The following SKAP1 variants were observed in gnomAD, a reference collection of about 807,000 sequenced individuals.
SKAP1 encodes src kinase-associated phosphoprotein 1.
Under a neutral mutation model 58.5 loss-of-function variants are expected in SKAP1, and 44 were observed. The observed-to-expected ratio is 0.75, with a 90% CI of 0.59 to 0.97. The LOEUF (loss-of-function observed/expected upper bound fraction) is 0.97. SKAP1 is among the 50% of genes least tolerant of loss of function. SKAP1 has a pLI of 0.00. For synonymous variants in SKAP1, 127 were observed against 149.7 expected, an observed-to-expected ratio of 0.85 and a Z score of 1.11; for missense variants, 390 against 435.2, an observed-to-expected ratio of 0.90 and a Z score of 0.92.
At chr17:48,374,992 G>C (rs944084720) in intron 2 of SKAP1, among the ~76,000 whole-genome samples, 4 of 152,288 alleles carry the variant, frequency 2.6e-5, no homozygotes, top group East Asian at 3.9e-4. Flanking sequence ...AAAAGTACAA[G>C]ACCTAATGCC....
intron 7 of SKAP1, 120 bp downstream of exon 7, chr17:48,184,603 G>T: frequency 7.9e-7 from 1 of 1,264,194 alleles, no homozygotes; most frequent in South Asian, 1.2e-5. Flanking sequence ...GTCTTCGTTG[G>T]CATGAAATGA....
At chr17:48,308,790 G>T (rs554897408) in intron 4 of SKAP1, 1 of 152,210 alleles carries the variant, frequency 6.6e-6, no homozygotes, top group African/African-American at 2.4e-5. Context: ...TAGGAACTAT[G>T]CCTCATGGGA....
At chr17:48,264,492 C>T (rs143450190) in intron 4 of SKAP1, among the ~76,000 whole-genome samples, 1 of 152,214 alleles carries the variant, frequency 6.6e-6, no homozygotes, top group African/African-American at 2.4e-5. Flanking sequence ...TAACTTTGGT[C>T]TTATTATTCT....
intron 4 of SKAP1, among the ~76,000 whole-genome samples, chr17:48,264,324 G>A (rs189835257): frequency 6.6e-6 from 1 of 150,898 alleles, no homozygotes; most frequent in Admixed American, 6.6e-5. Context: ...TGTTAGTTCA[G>A]GCTTACTGCA....
intron 3 of SKAP1, among the ~76,000 whole-genome samples, chr17:48,347,120 G>A (rs973092980): frequency 1.2e-4 from 18 of 152,096 alleles, no homozygotes; most frequent in African/African-American, 3.9e-4. Flanking sequence ...TTCAGAAACC[G>A]GAAGAAAAGG....
chr17:48,313,076 T>C (rs924471030), intron 4 of SKAP1, among the ~76,000 whole-genome samples: 1 of 145,138 alleles, frequency 6.9e-6, no homozygotes, highest in Admixed American at 7.4e-5. Flanking sequence ...TGTTCCAAAA[T>C]GATAAAATAA....
At chr17:48,414,635 A>G (rs1311185500) in intron 1 of SKAP1, among the ~76,000 whole-genome samples, 1 of 152,244 alleles carries the variant, frequency 6.6e-6, no homozygotes, top group East Asian at 1.9e-4. Flanking sequence ...CTCAGCTTCC[A>G]GGTAGCTTAT....
intron 2 of SKAP1, among the ~76,000 whole-genome samples, chr17:48,365,198 T>C (rs573677320): frequency 6.6e-6 from 1 of 152,298 alleles, no homozygotes; most frequent in African/African-American, 2.4e-5. Context: ...TCCTCCCACT[T>C]TGGCATCCCA....
intron 4 of SKAP1, among the ~76,000 whole-genome samples, chr17:48,206,923 C>T (rs755254524): frequency 1.3e-5 from 2 of 152,106 alleles, no homozygotes; most frequent in Non-Finnish European, 2.9e-5. Context: ...TCCCAAGGGA[C>T]TACAGGTACA....
intron 2 of SKAP1, among the ~76,000 whole-genome samples, chr17:48,377,038 CA>C (rs1053131837): frequency 2.6e-5 from 4 of 152,046 alleles, no homozygotes; most frequent in Non-Finnish European, 5.9e-5. Context: ...CCTAGCACCC[CA>C]AAGCAGTTAT....
chr17:48,182,446 A>G lies in SKAP1; in HGVS notation c.579T>C (p.Thr193=), dbSNP rs2143468446. ...QDRRSYEFTA[T]SPAEARDWVD... is the part of the protein sequence containing the mutation. Reference sequence around the variant, plus strand: ...CCCAGTCTCTGGCTTCTGCTGGACTAGTAGCTGTAAACTAGAGAAAAATCA... The same window carrying G: ...CCCAGTCTCTGGCTTCTGCTGGACTGGTAGCTGTAAACTAGAGAAAAATCA... Residue 193 remains threonine, a synonymous_variant, in exon 8 of 13, where the codon ACT becomes ACC. Coordinates refer to ENST00000336915, the MANE Select transcript of SKAP1 (RefSeq NM_003726.4). 2 of 1,608,798 alleles carry G rather than the reference A, an allele frequency of 1.2e-6. No individual in the cohort carries two copies. The highest frequency in any genetic ancestry group is 1.3e-5 in the African/African-American group (1 of 74,836).
intron 4 of SKAP1, among the ~76,000 whole-genome samples, chr17:48,290,354 A>G (rs1437331007): frequency 6.6e-6 from 1 of 152,212 alleles, no homozygotes; most frequent in East Asian, 1.9e-4. Context: ...CAAGCCAATA[A>G]TCTAAGCTTA....
intron 11 of SKAP1, among the ~76,000 whole-genome samples, chr17:48,160,874 T>C (rs1396475253): frequency 2.6e-5 from 4 of 152,220 alleles, no homozygotes; most frequent in Non-Finnish European, 4.4e-5. Context: ...ACGGCAAACC[T>C]TGCTTTCGGG....
intron 4 of SKAP1, among the ~76,000 whole-genome samples, chr17:48,323,819 G>A (rs542599759): frequency 6.6e-6 from 1 of 152,038 alleles, no homozygotes; most frequent in Non-Finnish European, 1.5e-5. Context: ...ATAGGCCACA[G>A]TGTTGAGGCT....
intron 4 of SKAP1, among the ~76,000 whole-genome samples, chr17:48,206,416 G>C (rs1025249928): frequency 7.9e-6 from 1 of 127,168 alleles, no homozygotes; most frequent in Non-Finnish European, 1.7e-5. Flanking sequence ...CAGTCCTCTT[G>C]GGTAAAAAAT....
At chr17:48,263,740 CCA>C (rs1215231223) in intron 4 of SKAP1, among the ~76,000 whole-genome samples, 1 of 152,164 alleles carries the variant, frequency 6.6e-6, no homozygotes, top group Non-Finnish European at 1.5e-5. Flanking sequence ...GCGGTGAACT[CCA>C]GTCATCGAGT....
intron 3 of SKAP1, among the ~76,000 whole-genome samples, chr17:48,347,935 T>C (rs1000042179): frequency 6.6e-6 from 1 of 152,208 alleles, no homozygotes; most frequent in African/African-American, 2.4e-5. Flanking sequence ...GTACTGGAAT[T>C]GCCAAGCAAA....
intron 4 of SKAP1, among the ~76,000 whole-genome samples, chr17:48,206,430 G>A (rs971015812): frequency 1.0e-5 from 1 of 99,122 alleles, no homozygotes; most frequent in African/African-American, 3.0e-5. Flanking sequence ...AAAAAATAAA[G>A]ACGTTTTTTT....
chr17:48,299,852 A>G (rs987946260), intron 4 of SKAP1, among the ~76,000 whole-genome samples: 1 of 152,060 alleles, frequency 6.6e-6, no homozygotes, highest in African/African-American at 2.4e-5. Context: ...GAGTGGGTGG[A>G]TGGGAGGATG....
Sources: gnomAD v4.1 joint callset for allele counts (sites outside exome capture counted in the v4.1 genomes callset) on GRCh38, gnomAD v4.1.1 for gene constraint, MANE v1.5 for transcripts, NCBI Gene and HGNC (gene_info 2026-07-23, HGNC 2026-07-21) for gene names.